Variants in RET observed in about 807,000 individuals in gnomAD.
The protein encoded by RET is proto-oncogene tyrosine-protein kinase receptor Ret.
A neutral mutation model predicts 118.3 loss-of-function variants in RET; 19 were observed. The observed-to-expected ratio is 0.16, with a 90% CI of 0.11 to 0.24. The LOEUF is 0.24. Among genes scored for constraint, RET ranks in the 10% least tolerant of loss-of-function variants. The pLI, the probability that RET is intolerant of heterozygous loss-of-function variation, is 1.00. For synonymous variants in RET, 597 were observed against 644.1 expected, an observed-to-expected ratio of 0.93 and a Z score of 1.11; for missense variants, 1,219 against 1,502.1, an observed-to-expected ratio of 0.81 and a Z score of 3.12.
At position 43,111,363 on chromosome 10, in the gene RET, C is replaced by T. The variant is rs775842917; in HGVS notation, c.1420C>T (p.Arg474Trp). 19 of 1,613,926 alleles carry T rather than the reference C, an allele frequency of 1.2e-5. No homozygotes were observed. Among genetic ancestry groups the T allele is most frequent in the South Asian group, 6.6e-5 (6 of 91,096 alleles). The part of the protein sequence containing the change: ...ILFVNDTKAL[R>W]RPKCAELHYM... ...GTTTGTGAATGACACCAAGGCCCTG[C>T]GGCGGCCCAAGTGTGCCGAACTTCA... The change falls in exon 7 of 20, where the codon CGG becomes TGG. Residue 474 changes from arginine to tryptophan, a missense_variant. Transcript: ENST00000355710.
chr10:43,129,658 G>A lies in RET; in HGVS notation c.*1389G>A, dbSNP rs953552512. On this transcript the variant is annotated 3_prime_UTR_variant, in exon 20 of 20. Transcript: ENST00000355710. ...GCCTGCTCTTCAGACTTAAAGCACTGATAGGACTTAAAATAGTCTCATTCA... is the reference window on the plus strand; with the variant it reads ...GCCTGCTCTTCAGACTTAAAGCACTAATAGGACTTAAAATAGTCTCATTCA... 1.4e-5 allele frequency: 4 copies of A among 284,836 alleles called. No individual in the cohort carries two copies. The highest frequency in any genetic ancestry group is 2.6e-5 in the Non-Finnish European group (4 of 153,884). The allele number at this position is 284,836 out of a possible 1,614,324, so 17.6% of individuals were successfully genotyped here.
intron 1 of RET, among the ~76,000 whole-genome samples, chr10:43,096,345 C>T (rs1279926491): frequency 3.9e-5 from 6 of 152,240 alleles, no homozygotes; most frequent in East Asian, 1.9e-4. Context: ...CACCTGCTGG[C>T]GCCTGGCTTC....
intron 1 of RET, among the ~76,000 whole-genome samples, chr10:43,095,798 C>T (rs879795360): frequency 6.6e-6 from 1 of 152,216 alleles, no homozygotes; most frequent in Non-Finnish European, 1.5e-5. Flanking sequence ...TCTGAGGTCT[C>T]TCTGAATGTG....
chr10:43,084,631 G>A (rs148404281), intron 1 of RET, among the ~76,000 whole-genome samples: 15 of 152,332 alleles, frequency 9.8e-5, no homozygotes, highest in African/African-American at 2.4e-4. Flanking sequence ...ATCCAGGGCC[G>A]TCACTGTCAG....
intron 1 of RET, among the ~76,000 whole-genome samples, chr10:43,082,294 G>A (rs908793400): frequency 1.1e-4 from 17 of 152,306 alleles, no homozygotes; most frequent in African/African-American, 2.9e-4. Flanking sequence ...AGTTCAGGTC[G>A]CACCTGGCCC....
At chr10:43,105,676 C>T (rs1588866621) in intron 4 of RET, among the ~76,000 whole-genome samples, 1 of 152,204 alleles carries the variant, frequency 6.6e-6, no homozygotes, top group African/African-American at 2.4e-5. Context: ...CTCGGCCTTC[C>T]TGCAGCCGGC....
chr10:43,086,113 A>G (rs927919064), intron 1 of RET, among the ~76,000 whole-genome samples: 2 of 152,198 alleles, frequency 1.3e-5, no homozygotes, highest in Admixed American at 1.3e-4. Context: ...CACTGAACAG[A>G]GAAGCCCAGG....
At chr10:43,109,634 G>A (rs969221934) in intron 6 of RET, among the ~76,000 whole-genome samples, 1 of 152,224 alleles carries the variant, frequency 6.6e-6, no homozygotes, top group Non-Finnish European at 1.5e-5. Context: ...ATCTGCAAGT[G>A]TGCAGAGATC....
intron 1 of RET, 124 bp downstream of exon 1, chr10:43,077,455 C>T: frequency 8.0e-7 from 1 of 1,249,592 alleles, no homozygotes; most frequent in Non-Finnish European, 1.0e-6. Context: ...GGTCGCCGGC[C>T]ACCCGGCCTC....
chr10:43,100,765 C>T, intron 2 of RET, 43 bp downstream of exon 2: 1 of 1,544,864 alleles, frequency 6.5e-7, no homozygotes, highest in Non-Finnish European at 8.7e-7. Context: ...CCCACCCCAC[C>T]CCTTCCTCAA....
rs1297352988 is a variant in RET, at chr10:43,120,343, T to C, written c.2730+140T>C. On this transcript the variant is annotated intron_variant, in intron 15 of 19. Transcript: ENST00000355710. ...TTTTATAGCCCTCACCCCAAATCTT[T>C]CTGACCCTGGGTCCCCAAGGACCCA... 6 of 1,260,396 alleles carry C rather than the reference T, an allele frequency of 4.8e-6. No homozygotes were observed. In the Admixed American group the frequency reaches 1.3e-4, roughly 27 times the overall value. 78.1% of individuals were successfully genotyped at this position (1,260,396 alleles called of 1,614,324 possible).
chr10:43,078,194 A>G (rs574868566), intron 1 of RET, among the ~76,000 whole-genome samples: 1 of 152,234 alleles, frequency 6.6e-6, no homozygotes, highest in African/African-American at 2.4e-5. Context: ...GGAATCTTTG[A>G]CCCCTTGGCA....
Position 43,095,404 on chromosome 10 carries a change from C to T in RET, c.74-5055C>T, listed in dbSNP as rs142346292. On this transcript the variant is annotated intron_variant, in intron 1 of 19. Coordinates refer to ENST00000355710, the MANE Select transcript of RET (RefSeq NM_020975.6). Reference sequence around the variant, plus strand: ...CCAGCATCTCTCCAAAGCCCTCCACCGATGAAGCTTGGCCTTGTGCTGCCT... The same window carrying T: ...CCAGCATCTCTCCAAAGCCCTCCACTGATGAAGCTTGGCCTTGTGCTGCCT... Among the ~76,000 whole-genome samples, 755 of 152,306 alleles carry T rather than the reference C, an allele frequency of 5.0e-3. 2 individuals carry two copies. Among genetic ancestry groups the T allele is most frequent in the African/African-American group, 0.017 (702 of 41,558 alleles).
Position 43,077,091 on chromosome 10 carries a change from G to A in RET, c.-168G>A, listed in dbSNP as rs1837057782. On this transcript the variant is annotated 5_prime_UTR_variant, in exon 1 of 20. Coordinates refer to ENST00000355710, the MANE Select transcript of RET (RefSeq NM_020975.6). ...TTCAGTCCCGCGACCGAAGCAGGGC[G>A]CGCAGCAGCGCTGAGTGCCCCGGAA... is the stretch of plus-strand genomic sequence containing the variant. 1 of 1,016,416 alleles carries A rather than the reference G, an allele frequency of 9.8e-7. No homozygotes were observed. Among genetic ancestry groups the A allele is most frequent in the Non-Finnish European group, 1.3e-6 (1 of 782,990 alleles). The allele number at this position is 1,016,416 out of a possible 1,614,324, so 63.0% of individuals were successfully genotyped here.
intron 1 of RET, among the ~76,000 whole-genome samples, 197 bp downstream of exon 1, chr10:43,077,528 C>T (rs1397424177): frequency 2.0e-5 from 3 of 149,866 alleles, no homozygotes; most frequent in African/African-American, 7.3e-5. Flanking sequence ...GGGCCGGGCG[C>T]CTCGGGCCGG....
chr10:43,101,900 C>G (rs760417371), intron 2 of RET, among the ~76,000 whole-genome samples: 1 of 152,226 alleles, frequency 6.6e-6, no homozygotes, highest in South Asian at 2.1e-4. Flanking sequence ...CCTCGCAGCC[C>G]AGCTGAAATG....
At position 43,128,777 on chromosome 10, in the gene RET, T is replaced by C. The variant is rs566296190; in HGVS notation, c.*508T>C. 1.6e-4 allele frequency: 43 copies of C among 272,088 alleles called. No homozygotes were observed. The highest frequency in any genetic ancestry group is 9.3e-4 in the African/African-American group (42 of 45,060). The allele number at this position is 272,088 out of a possible 1,614,324, so 16.9% of individuals were successfully genotyped here. On this transcript the variant is annotated 3_prime_UTR_variant, in exon 20 of 20. Transcript: ENST00000355710. ...AGAGACTGCGGGGGGGGCCTGGGGG[T>C]AGTGTCAATGCCCCTCCAGGGCTGG...
Position 43,116,680 on chromosome 10 carries a change from C to A in RET, c.2233C>A (p.His745Asn). 1 of 1,614,174 alleles carries A rather than the reference C, an allele frequency of 6.2e-7. No individual in the cohort carries two copies. Among genetic ancestry groups the A allele is most frequent in the East Asian group, 2.2e-5 (1 of 44,866 alleles). Residue 745 changes from histidine to asparagine, a missense_variant, in exon 12 of 20, where the codon CAT (histidine) becomes AAT (asparagine). By Grantham distance (68) the His-to-Asn change is moderately conservative. Around this residue, in one of 5 missense-constraint regions of RET, gnomAD observed 850 missense variants for 969.6 expected, o/e 0.88. Transcript: ENST00000355710. Reference protein sequence around the residue: ...FGKVVKATAFHLKGRAGYTTV... With the variant: ...FGKVVKATAFNLKGRAGYTTV... ...AAAAGTGGTCAAGGCAACGGCCTTC[C>A]ATCTGAAAGGCAGAGCAGGGTACAC... is the stretch of plus-strand genomic sequence containing the variant.
rs201816539 is a variant in RET at position 43,119,676 on chromosome 10, C to T, written c.2538C>T (p.Leu846=). 5.6e-5 allele frequency: 91 copies of T among 1,613,510 alleles called. No homozygotes were observed. The highest frequency in any genetic ancestry group is 5.2e-4 in the South Asian group (47 of 91,090). ...SSLDHPDERA[L]TMGDLISFAW... ...TGGACCACCCGGATGAGCGGGCCCT[C>T]ACCATGGGCGACCTCATCTCATTTG... is the stretch of plus-strand genomic sequence containing the variant. Residue 846 remains leucine (L), a synonymous_variant, in exon 14 of 20, where the codon CTC becomes CTT. Coordinates refer to ENST00000355710, the MANE Select transcript of RET (RefSeq NM_020975.6).
Sources: allele counts gnomAD v4.1 joint callset (sites outside exome capture counted in the v4.1 genomes callset), GRCh38; gene constraint gnomAD v4.1.1; regional missense constraint gnomAD v4.1.1; transcripts MANE v1.5; gene names NCBI Gene and HGNC (gene_info 2026-07-23, HGNC 2026-07-21).